Variants in MACROD2 observed in about 807,000 individuals in gnomAD.
The protein encoded by MACROD2 is mono-ADP ribosylhydrolase 2.
MACROD2 carries 36 observed loss-of-function variants against 70.4 expected under a neutral mutation model. The ratio of observed to expected loss-of-function variants is 0.51; its 90% CI spans 0.39 to 0.68. MACROD2 has a LOEUF of 0.68. Ranked by LOEUF, MACROD2 falls within the 30% of genes least tolerant of loss-of-function variation. The pLI, the probability that MACROD2 is intolerant of heterozygous loss-of-function variation, is 0.00. For synonymous variants in MACROD2, 172 were observed against 178.8 expected, an observed-to-expected ratio of 0.96 and a Z score of 0.30; for missense variants, 496 against 538.4, an observed-to-expected ratio of 0.92 and a Z score of 0.78.
At chr20:15,725,945 C>G (rs562959335) in intron 8 of MACROD2, among the ~76,000 whole-genome samples, 2 of 151,730 alleles carry the variant, frequency 1.3e-5, no homozygotes, top group African/African-American at 4.8e-5. Flanking sequence ...TATAGGTAAA[C>G]CTTTATATAG....
chr20:14,646,526 A>T (rs1985401651), intron 4 of MACROD2, among the ~76,000 whole-genome samples: 1 of 152,128 alleles, frequency 6.6e-6, no homozygotes. Flanking sequence ...TATAAACGTC[A>T]GTCAGAGAAC....
At chr20:15,274,553 G>A (rs1224896349) in intron 6 of MACROD2, among the ~76,000 whole-genome samples, 5 of 152,272 alleles carry the variant, frequency 3.3e-5, no homozygotes, top group East Asian at 3.9e-4. Context: ...GTAGACTAAC[G>A]TCCTCTGGTA....
At chr20:14,486,729 G>C (rs568574538) in intron 3 of MACROD2, among the ~76,000 whole-genome samples, 2 of 152,002 alleles carry the variant, frequency 1.3e-5, no homozygotes, top group South Asian at 4.2e-4. Context: ...ATGTTAGCCA[G>C]GGTGGTCTCA....
intron 5 of MACROD2, among the ~76,000 whole-genome samples, chr20:14,720,569 T>TTTTTTTTTTTTTTTTTTTTTGTG (rs531072431): frequency 1.2e-5 from 1 of 84,094 alleles, no homozygotes. Flanking sequence ...TTTTTTTTTT[T>TTTTTTTTTTTTTTTTTTTTTGTG]TGTGAGGCAG....
chr20:15,292,605 C>T (rs548496596), intron 6 of MACROD2, among the ~76,000 whole-genome samples: 17 of 152,222 alleles, frequency 1.1e-4, no homozygotes, highest in African/African-American at 3.9e-4. Flanking sequence ...GGCTCAGAGT[C>T]GAAGTGCTGA....
chr20:15,679,678 C>T (rs1247902741), intron 8 of MACROD2, among the ~76,000 whole-genome samples: 1 of 152,260 alleles, frequency 6.6e-6, no homozygotes, highest in African/African-American at 2.4e-5. Context: ...AAAGACCACA[C>T]AGAGGGACCA....
intron 8 of MACROD2, among the ~76,000 whole-genome samples, chr20:15,773,486 T>C (rs2147023352): frequency 6.6e-6 from 1 of 152,150 alleles, no homozygotes; most frequent in East Asian, 1.9e-4. Flanking sequence ...CTGGGAGCTC[T>C]TTCAAAAGGC....
chr20:15,512,078 ATC>A (rs1413727327), intron 8 of MACROD2, among the ~76,000 whole-genome samples: 2 of 152,226 alleles, frequency 1.3e-5, no homozygotes, highest in African/African-American at 4.8e-5. Context: ...GTGAGAGTAA[ATC>A]TCTCCTCTCA....
chr20:15,510,496 AG>A (rs765680241), intron 8 of MACROD2, among the ~76,000 whole-genome samples: 8 of 152,202 alleles, frequency 5.3e-5, no homozygotes, highest in Non-Finnish European at 1.0e-4. Flanking sequence ...TTCTAGTGGA[AG>A]TAAATGATTT....
chr20:14,202,937 C>G (rs1474686133), intron 3 of MACROD2, among the ~76,000 whole-genome samples: 2 of 152,014 alleles, frequency 1.3e-5, no homozygotes, highest in African/African-American at 2.4e-5. Context: ...AATCCAGCTA[C>G]TTGGGAGACT....
chr20:15,984,493 T>A (rs1373085475), intron 13 of MACROD2, among the ~76,000 whole-genome samples: 1 of 152,192 alleles, frequency 6.6e-6, no homozygotes, highest in Non-Finnish European at 1.5e-5. Context: ...ATAACATTTT[T>A]TCTTTCACGA....
chr20:15,857,570 C>G (rs987015272), intron 8 of MACROD2, among the ~76,000 whole-genome samples: 3 of 152,200 alleles, frequency 2.0e-5, no homozygotes, highest in Non-Finnish European at 4.4e-5. Context: ...TGATAAGCAA[C>G]AGCATGCATG....
chr20:14,447,505 G>A (rs986219650), intron 3 of MACROD2, among the ~76,000 whole-genome samples: 1 of 152,096 alleles, frequency 6.6e-6, no homozygotes, highest in Non-Finnish European at 1.5e-5. Flanking sequence ...ACACGTGTGT[G>A]TGTGTGTGCT....
In MACROD2 at chr20:15,463,667, T is replaced by C. The variant is rs557914782; in HGVS notation, c.571+32232T>C. On this transcript the variant is annotated intron_variant, in intron 7 of 17. Coordinates refer to ENST00000684519, the MANE Select transcript of MACROD2 (RefSeq NM_001351661.2). ...GAGAAGCTGAGGCAGGAGAATCATGTGAACCCGGGAGGCAGAGGTTGCAGT... is the reference window on the plus strand; with the variant it reads ...GAGAAGCTGAGGCAGGAGAATCATGCGAACCCGGGAGGCAGAGGTTGCAGT... 1.1e-3 allele frequency among the ~76,000 whole-genome samples: 161 copies of C among 152,230 alleles called. 1 individual carries two copies. Among genetic ancestry groups the C allele is most frequent in the Non-Finnish European group, 2.1e-3 (145 of 68,004 alleles).
At chr20:15,984,212 T>A (rs1216882656) in intron 13 of MACROD2, among the ~76,000 whole-genome samples, 1 of 152,140 alleles carries the variant, frequency 6.6e-6, no homozygotes, top group African/African-American at 2.4e-5. Context: ...ACAGAAAAAC[T>A]GGGTGATATC....
chr20:14,858,323 C>T (rs545992061), intron 5 of MACROD2, among the ~76,000 whole-genome samples: 1 of 151,934 alleles, frequency 6.6e-6, no homozygotes, highest in Non-Finnish European at 1.5e-5. Context: ...TGAGACAAGC[C>T]GGCAGTGACC....
chr20:14,066,451 A>G (rs2053758402), intron 2 of MACROD2, among the ~76,000 whole-genome samples: 1 of 152,210 alleles, frequency 6.6e-6, no homozygotes, highest in Non-Finnish European at 1.5e-5. Context: ...AAGTCTGTCC[A>G]TTTTTGTGAA....
intron 5 of MACROD2, among the ~76,000 whole-genome samples, chr20:15,209,246 G>T (rs570116894): frequency 5.0e-4 from 76 of 151,990 alleles, no homozygotes; most frequent in Non-Finnish European, 2.9e-4. Flanking sequence ...ACTCATCACC[G>T]TGTTGGTCCT....
At chr20:14,699,373 C>G (rs746772206) in intron 5 of MACROD2, among the ~76,000 whole-genome samples, 14 of 152,122 alleles carry the variant, frequency 9.2e-5, no homozygotes, top group Admixed American at 4.6e-4. Context: ...TGTATTTCCT[C>G]TGTGTTCAAA....
Sources: gnomAD v4.1 joint callset for allele counts (sites outside exome capture counted in the v4.1 genomes callset) on GRCh38, gnomAD v4.1.1 for gene constraint, MANE v1.5 for transcripts, NCBI Gene and HGNC (gene_info 2026-07-23, HGNC 2026-07-21) for gene names.